The following SRGAP2 variants were observed in gnomAD, a reference collection of about 807,000 sequenced individuals.
SRGAP2 encodes SLIT-ROBO Rho GTPase-activating protein 2.
A neutral mutation model predicts 57.2 loss-of-function variants in SRGAP2; 15 were observed. The ratio of observed to expected loss-of-function variants is 0.26; its 90% CI spans 0.18 to 0.40. SRGAP2 has a LOEUF of 0.40. Ranked by LOEUF, SRGAP2 falls within the 10% of genes least tolerant of loss-of-function variation. The pLI is 1.00. For missense variants in SRGAP2, 520 were observed against 669.6 expected (o/e 0.78, Z 2.47); for synonymous variants, 249 against 248.0 (o/e 1.00, Z -0.04).
At chr1:206,389,911 A>G (rs1431658228) in intron 5 of SRGAP2, among the ~76,000 whole-genome samples, 1 of 151,640 alleles carries the variant, frequency 6.6e-6, no homozygotes, top group Admixed American at 6.6e-5. Context: ...ACATATCTAT[A>G]TATACATATA....
intron 17 of SRGAP2, among the ~76,000 whole-genome samples, chr1:206,442,611 A>G (rs1275589913): frequency 2.0e-5 from 3 of 152,228 alleles, no homozygotes; most frequent in African/African-American, 7.2e-5. Context: ...TAGGAATTGC[A>G]CCAATTCAAA....
At chr1:206,308,067 C>A (rs1188028505) in intron 3 of SRGAP2, among the ~76,000 whole-genome samples, 3 of 142,642 alleles carry the variant, frequency 2.1e-5, no homozygotes, top group Non-Finnish European at 3.1e-5. Context: ...AGGGTGATTT[C>A]TCCAAGTTTA....
At chr1:206,304,635 T>C (rs1672082081) in intron 3 of SRGAP2, among the ~76,000 whole-genome samples, 1 of 151,248 alleles carries the variant, frequency 6.6e-6, no homozygotes, top group African/African-American at 2.4e-5. Context: ...ACAGTTTCTC[T>C]CCATTCCAAT....
chr1:206,436,936 T>C, intron 14 of SRGAP2, 29 bp from the exon 15 acceptor site: 1 of 780,648 alleles, frequency 1.3e-6, no homozygotes, highest in South Asian at 1.3e-5. Context: ...CTTTTTCTTC[T>C]TCTTGATCAC....
intron 18 of SRGAP2, among the ~76,000 whole-genome samples, chr1:206,447,932 A>C (rs756908185): frequency 6.6e-6 from 1 of 152,118 alleles, no homozygotes; most frequent in Non-Finnish European, 1.5e-5. Context: ...TTTCTTGTGC[A>C]CTCAACATTT....
intron 11 of SRGAP2, among the ~76,000 whole-genome samples, chr1:206,417,487 G>T (rs1238712545): frequency 7.0e-6 from 1 of 142,322 alleles, no homozygotes; most frequent in Non-Finnish European, 1.5e-5. Context: ...GTGTGATCTT[G>T]GCTTATTGCA....
intron 4 of SRGAP2, among the ~76,000 whole-genome samples, chr1:206,361,422 A>G (rs1446702861): frequency 7.3e-5 from 11 of 151,110 alleles, no homozygotes; most frequent in Non-Finnish European, 1.6e-4. Flanking sequence ...ATGCCCATCT[A>G]TAAACTGAAC....
chr1:206,397,477 G>A (rs546403913), intron 7 of SRGAP2, among the ~76,000 whole-genome samples: 1 of 152,156 alleles, frequency 6.6e-6, no homozygotes, highest in South Asian at 2.1e-4. Context: ...AGCCAAATGT[G>A]TGCATAAGGC....
chr1:206,216,439 GAA>G (rs2102463171), intron 2 of SRGAP2, among the ~76,000 whole-genome samples: 1 of 151,476 alleles, frequency 6.6e-6, no homozygotes, highest in African/African-American at 2.4e-5. Flanking sequence ...CTAAGTTTGA[GAA>G]AGTTTGTCTG....
At chr1:206,303,611 C>A in intron 3 of SRGAP2, 138 bp downstream of exon 3, 1 of 654,742 alleles carries the variant, frequency 1.5e-6, no homozygotes, top group East Asian at 2.9e-5. Flanking sequence ...TCAAGGACTT[C>A]TCGTTTTCCA....
At chr1:206,341,374 T>G (rs552140174) in intron 3 of SRGAP2, among the ~76,000 whole-genome samples, 2 of 152,214 alleles carry the variant, frequency 1.3e-5, no homozygotes, top group African/African-American at 4.8e-5. Context: ...TTTGCAGTTA[T>G]AGGCTTGGTT....
At chr1:206,281,210 A>G (rs1670718309) in intron 2 of SRGAP2, among the ~76,000 whole-genome samples, 1 of 143,972 alleles carries the variant, frequency 6.9e-6, no homozygotes, top group Non-Finnish European at 1.5e-5. Flanking sequence ...GCTCCAGTTT[A>G]TGAATTAGAG....
At position 206,461,105 on chromosome 1, in the gene SRGAP2, A is replaced by G; in HGVS notation, c.2901A>G (p.Lys967=). The change falls in exon 23 of 23, where the codon AAA becomes AAG. Residue 967 remains lysine (K), a synonymous_variant. Transcript: ENST00000573034. The stretch of plus-strand genomic sequence containing the variant: ...AACTAGAACGGCAGAGCAGTGTCAA[A>G]CACACCCCTGACGTGGTTCTGGACA... The part of the protein sequence containing the change: ...LRELERQSSV[K]HTPDVVLDTL... 1 of 776,292 alleles carries G rather than the reference A, an allele frequency of 1.3e-6. No individual in the cohort carries two copies. Among genetic ancestry groups the G allele is most frequent in the South Asian group, 1.3e-5 (1 of 74,362 alleles). The allele number at this position is 776,292 out of a possible 1,614,324, so 48.1% of individuals were successfully genotyped here. A position where few individuals can be genotyped will look rare whatever the true frequency, so the allele number is the denominator to read the frequency against.
intron 3 of SRGAP2, among the ~76,000 whole-genome samples, chr1:206,305,831 A>C (rs1193392252): frequency 1.3e-5 from 2 of 152,050 alleles, no homozygotes; most frequent in Non-Finnish European, 2.9e-5. Context: ...TGAGGAGAAC[A>C]TGACATCTCA....
chr1:206,299,819 C>T (rs1671783478), intron 2 of SRGAP2, among the ~76,000 whole-genome samples: 1 of 152,132 alleles, frequency 6.6e-6, no homozygotes, highest in Non-Finnish European at 1.5e-5. Context: ...CTTCTTCCTT[C>T]TTCATTCTCT....
intron 20 of SRGAP2, chr1:206,453,600 C>T (rs1341882745): frequency 2.9e-6 from 1 of 342,572 alleles, no homozygotes; most frequent in Non-Finnish European, 5.2e-6. Flanking sequence ...TATCTGTGCC[C>T]CCTGCAAATC....
chr1:206,410,983 C>T (rs1422554335), intron 10 of SRGAP2, among the ~76,000 whole-genome samples: 1 of 152,218 alleles, frequency 6.6e-6, no homozygotes, highest in Non-Finnish European at 1.5e-5. Context: ...GCCTCAGCCT[C>T]CCAAGTAGCT....
At chr1:206,336,111 A>G (rs1553333632) in intron 3 of SRGAP2, among the ~76,000 whole-genome samples, 1 of 133,026 alleles carries the variant, frequency 7.5e-6, no homozygotes. Flanking sequence ...GTTCTGCTCC[A>G]TGGAACTAAT....
At chr1:206,460,338 A>G (rs1438543980) in intron 22 of SRGAP2, among the ~76,000 whole-genome samples, 1 of 152,180 alleles carries the variant, frequency 6.6e-6, no homozygotes, top group Non-Finnish European at 1.5e-5. Context: ...TGTTGGCTAA[A>G]GATCTAGAGT....
Sources: allele counts gnomAD v4.1 joint callset (sites outside exome capture counted in the v4.1 genomes callset), GRCh38; gene constraint gnomAD v4.1.1; transcripts MANE v1.5; gene names NCBI Gene and HGNC (gene_info 2026-07-23, HGNC 2026-07-21).